COL4A2: variants seen among roughly 807,000 people sequenced by gnomAD.
COL4A2 encodes the protein collagen type IV alpha 2 chain.
A neutral mutation model predicts 200.2 loss-of-function variants in COL4A2; 99 were observed. The ratio of observed to expected loss-of-function variants is 0.49; its 90% confidence interval spans 0.42 to 0.58. COL4A2 has a LOEUF of 0.58. COL4A2 is among the 20% of genes least tolerant of loss of function. The pLI is 0.00. For synonymous variants in COL4A2, 897 were observed against 900.6 expected (o/e 1.00, Z 0.07); for missense variants, 1,950 against 2,314.1 (o/e 0.84, Z 3.23).
At chr13:110,473,351 C>A in intron 29 of COL4A2, 1 of 532,524 alleles carries the variant, frequency 1.9e-6, no homozygotes, top group South Asian at 2.7e-5. Flanking sequence ...GTAGCCAGTG[C>A]GATCTGGCCA....
Position 110,482,507 on chromosome 13 carries a change from C to G in COL4A2, c.2759-9C>G. ...GTCTAACCCAGCACTTTTCTCTTTTCCTCTGAAGGAGATAGAGGCTCACCT... is the reference window on the plus strand; with the variant it reads ...GTCTAACCCAGCACTTTTCTCTTTTGCTCTGAAGGAGATAGAGGCTCACCT... On this transcript the variant is annotated splice_polypyrimidine_tract_variant and intron_variant, in intron 31 of 47. Transcript: ENST00000360467. 1 of 1,613,242 alleles carries G rather than the reference C, an allele frequency of 6.2e-7. No homozygotes were observed. The highest frequency in any genetic ancestry group is 8.5e-7 in the Non-Finnish European group (1 of 1,179,248).
At chr13:110,320,641 T>C (rs1380625166) in intron 3 of COL4A2, among the ~76,000 whole-genome samples, 1 of 152,122 alleles carries the variant, frequency 6.6e-6, no homozygotes, top group Non-Finnish European at 1.5e-5. Flanking sequence ...AAAGTCTAAC[T>C]CTGAGGCCAT....
Position 110,493,038 on chromosome 13 carries a change from G to A in COL4A2, c.3563-173G>A, listed in dbSNP as rs114638806. ...TGTCCCACACATGAAATAACAATGA[G>A]TGACACCCCCACAGGTGAAATAACG... is the stretch of plus-strand genomic sequence containing the variant. On this transcript the variant is annotated intron_variant, in intron 38 of 47. Transcript: ENST00000360467. Among the ~76,000 whole-genome samples the A allele has an allele frequency of 0.017, 2,504 of 151,354 alleles. 68 individuals are homozygous for A. The highest frequency in any genetic ancestry group is 0.057 in the African/African-American group (2,358 of 41,200).
rs72657933 is a variant in COL4A2, at chr13:110,450,371, C to T, written c.1256C>T (p.Ala419Val). Residue 419 changes from alanine to valine, a missense_variant, in exon 20 of 48, where the codon GCG becomes GTG. Ala to Val is a moderately conservative substitution (Grantham distance 64, BLOSUM62 0). This residue lies in a region of COL4A2 where 565 missense variants were observed against 593.5 expected (regional missense o/e 0.95). Coordinates refer to ENST00000360467, the MANE Select transcript of COL4A2 (RefSeq NM_001846.4). ...TTCATCGGAGACCCCGGCATCCCTG[C>T]GCTCTACGGGGGCCCACCTGGACCT... ...KGFIGDPGIP[A>V]LYGGPPGPDG... 176 of 1,613,974 alleles carry T rather than the reference C, an allele frequency of 1.1e-4. No homozygotes were observed. The highest frequency in any genetic ancestry group is 1.3e-4 in the Non-Finnish European group (155 of 1,179,932).
intron 4 of COL4A2, among the ~76,000 whole-genome samples, chr13:110,408,286 C>G (rs1158520486): frequency 4.6e-5 from 7 of 152,190 alleles, no homozygotes; most frequent in Non-Finnish European, 7.3e-5. Context: ...ATTGCAGGCC[C>G]TTGAAGAAGA....
At position 110,503,997 on chromosome 13, in the gene COL4A2, G is replaced by C. The variant is rs372382465; in HGVS notation, c.4285+4G>C. ...CAGGGCCCCCCCGGAGAACCAGGTA[G>C]AGTGCTGAGCTGGGGCCTGGAGCCC... On this transcript the variant is annotated splice_donor_region_variant and intron_variant, in intron 44 of 47. Transcript: ENST00000360467. 3 of 1,557,542 alleles carry C rather than the reference G, an allele frequency of 1.9e-6. No individual in the cohort carries two copies. The highest frequency in any genetic ancestry group is 2.6e-6 in the Non-Finnish European group (3 of 1,156,250).
intron 3 of COL4A2, among the ~76,000 whole-genome samples, chr13:110,320,786 C>T (rs1175181729): frequency 6.6e-6 from 1 of 152,176 alleles, no homozygotes; most frequent in Non-Finnish European, 1.5e-5. Flanking sequence ...CTTTCAAAAA[C>T]ATCTCTTCTT....
At position 110,508,355 on chromosome 13, in the gene COL4A2, G is replaced by A; in HGVS notation, c.4881+134G>A. ...TGCACAAGGGTAGTTGGCCCAGGAA[G>A]CGAGCGAGAGCTGGAACACAGCTTA... On this transcript the variant is annotated intron_variant, in intron 47 of 47. Transcript: ENST00000360467. This position sits in a 1 kb window ranked among gnomAD's most constrained non-coding sequence, Gnocchi z 6.1. 1.4e-6 allele frequency: 2 copies of A among 1,383,160 alleles called. No individual in the cohort carries two copies. The highest frequency in any genetic ancestry group is 1.3e-5 in the South Asian group (1 of 74,284). The allele number at this position is 1,383,160 out of a possible 1,614,324, so 85.7% of individuals were successfully genotyped here. A position where few individuals can be genotyped will look rare whatever the true frequency, so the allele number is the denominator to read the frequency against.
At chr13:110,504,064 G>T in intron 44 of COL4A2, 71 bp downstream of exon 44, 2 of 1,559,988 alleles carry the variant, frequency 1.3e-6, no homozygotes. Context: ...CTGGCATTGC[G>T]TCCTCTTGTG....
chr13:110,375,829 C>CA (rs112359356), intron 4 of COL4A2, among the ~76,000 whole-genome samples: 1,862 of 137,188 alleles, frequency 0.014, 33 homozygotes, highest in African/African-American at 0.042. Context: ...GACTCTGTCT[C>CA]AAAAAAAAAA....
chr13:110,387,449 G>T (rs539554877), intron 4 of COL4A2, among the ~76,000 whole-genome samples: 1 of 152,192 alleles, frequency 6.6e-6, no homozygotes, highest in Non-Finnish European at 1.5e-5. Context: ...GGGTGTTTCC[G>T]TGGCCAGAGG....
chr13:110,312,633 A>G lies in COL4A2; in HGVS notation c.99+4510A>G, dbSNP rs150993345. 2.8e-4 allele frequency among the ~76,000 whole-genome samples: 42 copies of G among 152,344 alleles called. No homozygotes were observed. In the East Asian group the frequency reaches 7.9e-3, roughly 29 times the overall value. Reference sequence around the variant, plus strand: ...TGAAGAAGAATGTTTGTCTTTGATTAGAGGGTTTTAGAGAAAGCTCTGAAA... The same window carrying G: ...TGAAGAAGAATGTTTGTCTTTGATTGGAGGGTTTTAGAGAAAGCTCTGAAA... On this transcript the variant is annotated intron_variant, in intron 3 of 47. Transcript: ENST00000360467.
rs553466101 is a variant in COL4A2, at chr13:110,437,975, G to C, written c.826-27G>C. ...CATTACCATCCTCAAATTAATAAGC[G>C]TTTCTTATTTTTCATATTCTTCACA... On this transcript the variant is annotated intron_variant, in intron 13 of 47. Transcript: ENST00000360467. 1.9e-6 allele frequency: 3 copies of C among 1,593,926 alleles called. No homozygotes were observed. The African/African-American group carries it at 4.0e-5, about 21-fold the overall frequency.
intron 4 of COL4A2, among the ~76,000 whole-genome samples, chr13:110,372,775 G>A (rs887316156): frequency 2.6e-5 from 4 of 152,186 alleles, no homozygotes; most frequent in Non-Finnish European, 5.9e-5. Flanking sequence ...ATAATCATTA[G>A]TAGCTTGTTC....
At chr13:110,410,650 AAT>A (rs1225168009) in intron 4 of COL4A2, among the ~76,000 whole-genome samples, 1 of 152,182 alleles carries the variant, frequency 6.6e-6, no homozygotes, top group Non-Finnish European at 1.5e-5. Flanking sequence ...TTCACGACAA[AAT>A]ATGTTACTGA....
intron 4 of COL4A2, among the ~76,000 whole-genome samples, chr13:110,375,018 C>G (rs1878177443): frequency 6.6e-6 from 1 of 152,042 alleles, no homozygotes; most frequent in South Asian, 2.1e-4. Flanking sequence ...TTACTGGGGC[C>G]CTTTTACTTT....
chr13:110,501,523 A>C, intron 40 of COL4A2, 145 bp from the exon 41 acceptor site: 1 of 699,122 alleles, frequency 1.4e-6, no homozygotes. Context: ...CCACCATGAG[A>C]TGTTCCTTGG....
In COL4A2 at chr13:110,446,201, G is replaced by A. The variant is rs79692807; in HGVS notation, c.1011+319G>A. The stretch of plus-strand genomic sequence containing the variant: ...GCGGTGCCCCTGGTTTCCAAGGGAG[G>A]ATGTGGCTTGTGTGAGTAATTCCTG... On this transcript the variant is annotated intron_variant, in intron 17 of 47. Transcript: ENST00000360467. 4.9e-4 allele frequency among the ~76,000 whole-genome samples: 74 copies of A among 151,988 alleles called. 2 individuals carry two copies. In the East Asian group the frequency reaches 0.013, roughly 26 times the overall value.
intron 18 of COL4A2, among the ~76,000 whole-genome samples, chr13:110,448,719 C>CGT (rs10629023): frequency 0.43 from 65,209 of 151,974 alleles, 14,219 homozygotes; most frequent in South Asian, 0.48. Context: ...TTTATGGAAT[C>CGT]AACAATGGCT....
Sources: allele counts gnomAD v4.1 joint callset (sites outside exome capture counted in the v4.1 genomes callset), GRCh38; gene constraint gnomAD v4.1.1; regional missense constraint gnomAD v4.1.1; non-coding constraint Gnocchi (gnomAD v3.1); transcripts MANE v1.5; gene names NCBI Gene and HGNC (gene_info 2026-07-23, HGNC 2026-07-21).